TBC1D9: variants seen among roughly 807,000 people sequenced by gnomAD.
The protein encoded by TBC1D9 is TBC1 domain family member 9A.
Under a neutral mutation model 132.0 loss-of-function variants are expected in TBC1D9, and 63 were observed. The ratio of observed to expected loss-of-function variants is 0.48; its 90% CI spans 0.39 to 0.59. The LOEUF (loss-of-function observed/expected upper bound fraction) is 0.59, where lower values mean the gene tolerates loss of function less well. Among genes scored for constraint, TBC1D9 ranks in the 20% least tolerant of loss-of-function variants. The pLI, the probability that TBC1D9 is intolerant of heterozygous loss-of-function variation, is 0.00. For missense variants in TBC1D9, 1,261 were observed against 1,592.7 expected (o/e 0.79, Z 3.54); for synonymous variants, 610 against 609.9 (o/e 1.00, Z 0.00).
intron 1 of TBC1D9, among the ~76,000 whole-genome samples, chr4:140,750,673 T>C (rs1738911121): frequency 6.6e-6 from 1 of 151,944 alleles, no homozygotes; most frequent in Non-Finnish European, 1.5e-5. Context: ...ACCATGTTCA[T>C]GGATCAGAAG....
Position 140,658,995 on chromosome 4 carries a change from A to G in TBC1D9, c.1921+593T>C, listed in dbSNP as rs189109621. The stretch of plus-strand genomic sequence containing the variant: ...GCAAATGTTTAGAAATATAGAAAGA[A>G]CACAAGTGAGAAGCATAAACAATAT... On this transcript the variant is annotated intron_variant, in intron 11 of 20. Coordinates refer to ENST00000442267, the MANE Select transcript of TBC1D9 (RefSeq NM_015130.3). 3.3e-4 allele frequency among the ~76,000 whole-genome samples: 51 copies of G among 152,344 alleles called. 1 individual carries two copies. The highest frequency in any genetic ancestry group is 1.0e-3 in the South Asian group (5 of 4,828).
chr4:140,659,873 T>C (rs1737330073), intron 10 of TBC1D9, among the ~76,000 whole-genome samples, 168 bp from the exon 11 acceptor site: 1 of 152,206 alleles, frequency 6.6e-6, no homozygotes, highest in Non-Finnish European at 1.5e-5. Flanking sequence ...CTCTGTCATA[T>C]ATTCTTCTGA....
In TBC1D9 at chr4:140,634,048, T is replaced by C; in HGVS notation, c.2646A>G (p.Ala882=). 1 of 1,613,996 alleles carries C rather than the reference T, an allele frequency of 6.2e-7. No individual in the cohort carries two copies. The highest frequency in any genetic ancestry group is 8.5e-7 in the Non-Finnish European group (1 of 1,179,900). The change falls in exon 16 of 21, where the codon GCA becomes GCG. Residue 882 remains alanine (A), a synonymous_variant. Transcript: ENST00000442267. The part of the protein sequence containing the change: ...KGMFALLFPW[A]CGTHSDVLAS... ...CCAGAACGTCAGAGTGAGTTCCACA[T>C]GCCCAAGGAAAGAGAAGAGCAAACA...
chr4:140,643,552 T>C (rs1000261396), intron 13 of TBC1D9: 6 of 881,652 alleles, frequency 6.8e-6, no homozygotes, highest in Non-Finnish European at 1.1e-5. Flanking sequence ...CAGTCTGACA[T>C]TTCTAGGCTG....
intron 13 of TBC1D9, among the ~76,000 whole-genome samples, chr4:140,640,762 T>C (rs1736974956): frequency 1.3e-5 from 2 of 152,190 alleles, no homozygotes; most frequent in African/African-American, 4.8e-5. Flanking sequence ...AAAACTCTTA[T>C]ATACTGCTGG....
chr4:140,622,270 A>T lies in TBC1D9; in HGVS notation c.3726T>A (p.Ser1242Arg). 1 of 1,609,632 alleles carries T rather than the reference A, an allele frequency of 6.2e-7. No individual in the cohort carries two copies. The highest frequency in any genetic ancestry group is 8.5e-7 in the Non-Finnish European group (1 of 1,176,306). The stretch of plus-strand genomic sequence containing the variant: ...TGCCCATCATCCGGATGTTTTTTGC[A>T]CTGGTAATCCTGGCCATCATGCACA... ...KPVCMMARITSAKNIRMMGKP... is the reference protein window; with the variant it reads ...KPVCMMARITRAKNIRMMGKP... The change falls in exon 21 of 21, where the codon AGT becomes AGA. Residue 1242 changes from serine (S) to arginine (R), a missense_variant. By Grantham distance (110) the Ser-to-Arg change is moderately radical. Coordinates refer to ENST00000442267, the MANE Select transcript of TBC1D9 (RefSeq NM_015130.3).
chr4:140,622,017 G>T lies in TBC1D9; in HGVS notation c.*178C>A. 3.6e-6 allele frequency: 3 copies of T among 828,496 alleles called. No homozygotes were observed. The highest frequency in any genetic ancestry group is 5.2e-6 in the Non-Finnish European group (3 of 572,580). The allele number at this position is 828,496 out of a possible 1,614,324, so 51.3% of individuals were successfully genotyped here. A position where few individuals can be genotyped will look rare whatever the true frequency, so the allele number is the denominator to read the frequency against. On this transcript the variant is annotated 3_prime_UTR_variant, in exon 21 of 21. Coordinates refer to ENST00000442267, the MANE Select transcript of TBC1D9 (RefSeq NM_015130.3). The stretch of plus-strand genomic sequence containing the variant: ...AACAAGAGTGTAATGTACCTACATT[G>T]AGGTGTTTAAATATTTCTCCAACAG...
intron 16 of TBC1D9, among the ~76,000 whole-genome samples, chr4:140,631,896 C>T (rs936636191): frequency 6.6e-6 from 1 of 152,154 alleles, no homozygotes; most frequent in Non-Finnish European, 1.5e-5. Flanking sequence ...GGGGCCTGGC[C>T]CATTCTTTAG....
At chr4:140,652,074 A>G (rs1046410689) in intron 13 of TBC1D9, among the ~76,000 whole-genome samples, 15 of 151,958 alleles carry the variant, frequency 9.9e-5, no homozygotes, top group African/African-American at 3.4e-4. Flanking sequence ...CCCCATCTCT[A>G]CCAAAAATAC....
chr4:140,669,961 TTGGCAG>T (rs1737510421), intron 7 of TBC1D9, among the ~76,000 whole-genome samples, 157 bp from the exon 8 acceptor site: 1 of 152,230 alleles, frequency 6.6e-6, no homozygotes. Flanking sequence ...AGCCATCATT[TTGGCAG>T]GGATTAGACA....
chr4:140,717,198 T>TCAA lies in TBC1D9; in HGVS notation c.131-15587_131-15585dup, dbSNP rs1738348120. ...ATAAAAGTCATAATCCTTTAGAGAATCAACATATGTTACCTGAACCAGGAG... is the reference window on the plus strand; with the variant it reads ...ATAAAAGTCATAATCCTTTAGAGAATCAACAACATATGTTACCTGAACCAGGAG... On this transcript the variant is annotated intron_variant, in intron 1 of 20. Transcript: ENST00000442267. Among the ~76,000 whole-genome samples, 4 of 152,290 alleles carry TCAA rather than the reference T, an allele frequency of 2.6e-5. No homozygotes were observed. The South Asian group carries it at 8.3e-4, about 32-fold the overall frequency.
chr4:140,711,529 C>T (rs1738243763), intron 1 of TBC1D9, among the ~76,000 whole-genome samples: 1 of 152,126 alleles, frequency 6.6e-6, no homozygotes, highest in Admixed American at 6.6e-5. Flanking sequence ...ATTCATGTAT[C>T]CTCTTACGTA....
intron 2 of TBC1D9, among the ~76,000 whole-genome samples, chr4:140,699,028 A>G (rs758772024): frequency 6.6e-6 from 1 of 152,210 alleles, no homozygotes; most frequent in Non-Finnish European, 1.5e-5. Flanking sequence ...AATTGTCTTT[A>G]TATTTTTAGA....
intron 3 of TBC1D9, among the ~76,000 whole-genome samples, chr4:140,680,704 T>C (rs1474369673): frequency 1.3e-5 from 2 of 152,174 alleles, no homozygotes; most frequent in Admixed American, 1.3e-4. Context: ...TCACTGTATC[T>C]GTGTAGCCTT....
intron 6 of TBC1D9, among the ~76,000 whole-genome samples, chr4:140,675,694 A>G (rs1324629622): frequency 6.6e-6 from 1 of 152,220 alleles, no homozygotes; most frequent in Non-Finnish European, 1.5e-5. Flanking sequence ...TTGCAGAGAT[A>G]CAGATTCAGA....
chr4:140,718,858 C>T (rs1738379100), intron 1 of TBC1D9, among the ~76,000 whole-genome samples: 2 of 152,074 alleles, frequency 1.3e-5, no homozygotes, highest in Admixed American at 1.3e-4. Context: ...GTGGATGGAT[C>T]ACTTAAGGTC....
chr4:140,709,960 T>G (rs577119346), intron 1 of TBC1D9, among the ~76,000 whole-genome samples: 40 of 152,328 alleles, frequency 2.6e-4, no homozygotes, highest in South Asian at 6.2e-4. Context: ...GGCCACGGAC[T>G]GACAGGTACT....
intron 20 of TBC1D9, 118 bp from the exon 21 acceptor site, chr4:140,623,035 G>T: frequency 8.0e-7 from 1 of 1,253,520 alleles, no homozygotes; most frequent in Non-Finnish European, 1.1e-6. Context: ...AAAGTCCTCC[G>T]CCTAGGCTGG....
intron 20 of TBC1D9, 26 bp from the exon 21 acceptor site, chr4:140,622,943 A>G (rs547116082): frequency 1.3e-5 from 19 of 1,487,590 alleles, no homozygotes; most frequent in East Asian, 1.2e-4. Context: ...GAAAAACACA[A>G]TGTGAAATCT....
Sources: gnomAD v4.1 joint callset for allele counts (sites outside exome capture counted in the v4.1 genomes callset) on GRCh38, gnomAD v4.1.1 for gene constraint, MANE v1.5 for transcripts, NCBI Gene and HGNC (gene_info 2026-07-23, HGNC 2026-07-21) for gene names.